The following PTPRD variants were observed in gnomAD, a reference collection of about 807,000 sequenced individuals.
The protein encoded by PTPRD is protein tyrosine phosphatase receptor type D.
Under a neutral mutation model 214.5 loss-of-function variants are expected in PTPRD, and 34 were observed. The observed-to-expected ratio is 0.16, with a 90% CI of 0.12 to 0.21. The LOEUF (loss-of-function observed/expected upper bound fraction) is 0.21, where lower values mean the gene tolerates loss of function less well. Ranked by LOEUF, PTPRD falls within the 10% of genes least tolerant of loss-of-function variation. The pLI, the probability that PTPRD is intolerant of heterozygous loss-of-function variation, is 1.00. For missense variants in PTPRD, 2,545 were observed against 2,398.7 expected (o/e 1.06, Z -1.27); for synonymous variants, 1,128 against 845.7 (o/e 1.33, Z -5.79).
intron 5 of PTPRD, among the ~76,000 whole-genome samples, chr9:9,886,777 G>A (rs1254908141): frequency 1.3e-4 from 20 of 152,136 alleles, no homozygotes; most frequent in Admixed American, 1.3e-3. Flanking sequence ...AGTACACTAA[G>A]TTACCATACA....
At chr9:9,666,698 G>A (rs1182144389) in intron 7 of PTPRD, among the ~76,000 whole-genome samples, 1 of 151,880 alleles carries the variant, frequency 6.6e-6, no homozygotes, top group Non-Finnish European at 1.5e-5. Flanking sequence ...CTGTCTTGTG[G>A]CAGTAGTTCC....
intron 11 of PTPRD, among the ~76,000 whole-genome samples, chr9:8,737,703 T>G (rs999862457): frequency 6.6e-6 from 1 of 152,134 alleles, no homozygotes; most frequent in Admixed American, 6.5e-5. Flanking sequence ...CAGGCTGGAG[T>G]GCAGTGGCAC....
rs1436270296 is a variant in PTPRD, at chr9:10,585,564, T to C, written c.-600+26834A>G. Reference sequence around the variant, plus strand: ...GGAAATCTCACATCATGCCATGTTATCTAAATCAGCAATAAATATACTGAA... The same window carrying C: ...GGAAATCTCACATCATGCCATGTTACCTAAATCAGCAATAAATATACTGAA... On this transcript the variant is annotated intron_variant, in intron 2 of 45. Transcript: ENST00000381196. Among the ~76,000 whole-genome samples the C allele has an allele frequency of 5.3e-5, 8 of 152,234 alleles. No individual in the cohort carries two copies. In the East Asian group the frequency reaches 1.5e-3, roughly 29 times the overall value.
chr9:10,286,659 A>T (rs2095365449), intron 3 of PTPRD, among the ~76,000 whole-genome samples: 1 of 152,024 alleles, frequency 6.6e-6, no homozygotes. Flanking sequence ...GTGCAGTGGC[A>T]GGATCTTGGC....
chr9:9,110,963 T>C (rs2154449215), intron 10 of PTPRD, among the ~76,000 whole-genome samples: 1 of 152,240 alleles, frequency 6.6e-6, no homozygotes, highest in South Asian at 2.1e-4. Context: ...AATTAATCTT[T>C]ACTATCTGGT....
intron 9 of PTPRD, among the ~76,000 whole-genome samples, chr9:9,340,760 T>C (rs1468107723): frequency 1.3e-5 from 2 of 152,218 alleles, no homozygotes; most frequent in African/African-American, 4.8e-5. Context: ...CACAAGTCAA[T>C]GGTAGCTATG....
chr9:8,320,063 C>G lies in PTPRD; in HGVS notation c.5535-97G>C, dbSNP rs1825819756. On this transcript the variant is annotated intron_variant, in intron 44 of 45. Transcript: ENST00000381196. ...ACATACTTCTACCAGCTTCCACACTCCGTATCTCTTTATAGCCATATTCAG... is the reference window on the plus strand; with the variant it reads ...ACATACTTCTACCAGCTTCCACACTGCGTATCTCTTTATAGCCATATTCAG... The G allele has an allele frequency of 2.8e-6, 4 of 1,439,708 alleles. No homozygotes were observed. The African/African-American group carries it at 4.3e-5, about 15-fold the overall frequency. The allele number at this position is 1,439,708 out of a possible 1,614,324, so 89.2% of individuals were successfully genotyped here.
At chr9:9,324,492 T>G (rs1422148075) in intron 9 of PTPRD, among the ~76,000 whole-genome samples, 3 of 152,210 alleles carry the variant, frequency 2.0e-5, no homozygotes, top group Non-Finnish European at 4.4e-5. Flanking sequence ...TGTCTTCTTT[T>G]GAGAAGTGTC....
At chr9:10,517,724 G>A (rs931690928) in intron 2 of PTPRD, among the ~76,000 whole-genome samples, 1 of 151,972 alleles carries the variant, frequency 6.6e-6, no homozygotes, top group Non-Finnish European at 1.5e-5. Context: ...AGAGTACAAT[G>A]TACAAAGACA....
intron 3 of PTPRD, among the ~76,000 whole-genome samples, chr9:10,108,864 A>G (rs1319084317): frequency 1.2e-5 from 1 of 86,264 alleles, no homozygotes; most frequent in African/African-American, 3.6e-5. Flanking sequence ...CAGGCACGTA[A>G]AGAGGGTTTT....
chr9:9,670,075 C>T (rs1182826707), intron 7 of PTPRD, among the ~76,000 whole-genome samples: 1 of 152,014 alleles, frequency 6.6e-6, no homozygotes, highest in African/African-American at 2.4e-5. Context: ...TAATATTTGG[C>T]AGATAATTAG....
chr9:9,010,962 T>C (rs2099509422), intron 11 of PTPRD, among the ~76,000 whole-genome samples: 1 of 152,164 alleles, frequency 6.6e-6, no homozygotes, highest in Non-Finnish European at 1.5e-5. Flanking sequence ...TAAATTTTAA[T>C]GATTAATATT....
chr9:10,552,855 A>AAAAAGG (rs1402290782), intron 2 of PTPRD, among the ~76,000 whole-genome samples: 3 of 152,302 alleles, frequency 2.0e-5, no homozygotes, highest in Non-Finnish European at 4.4e-5. Context: ...TCTGTATGGA[A>AAAAAGG]AAAAGGAAAC....
chr9:9,486,184 A>AAAAAC (rs1449101646), intron 8 of PTPRD, among the ~76,000 whole-genome samples: 1 of 135,438 alleles, frequency 7.4e-6, no homozygotes, highest in Non-Finnish European at 1.6e-5. Flanking sequence ...AAAAAAAAAA[A>AAAAAC]AGCCTTCCCT....
chr9:10,443,410 A>G (rs1314469220), intron 2 of PTPRD, among the ~76,000 whole-genome samples: 3 of 151,620 alleles, frequency 2.0e-5, no homozygotes, highest in Non-Finnish European at 4.4e-5. Context: ...CTGTTCACCA[A>G]CTGTCCCTTG....
At chr9:10,558,681 T>C (rs1195369283) in intron 2 of PTPRD, among the ~76,000 whole-genome samples, 2 of 152,216 alleles carry the variant, frequency 1.3e-5, no homozygotes, top group African/African-American at 4.8e-5. Context: ...GGGGAGTTTC[T>C]TTTTTATTTT....
intron 9 of PTPRD, among the ~76,000 whole-genome samples, chr9:9,248,211 G>C (rs1335517162): frequency 1.3e-5 from 2 of 151,884 alleles, no homozygotes; most frequent in African/African-American, 4.8e-5. Context: ...TCCTGCCTAA[G>C]CCTCCCGAGC....
chr9:10,286,419 G>C (rs2095355552), intron 3 of PTPRD, among the ~76,000 whole-genome samples: 1 of 152,018 alleles, frequency 6.6e-6, no homozygotes, highest in Admixed American at 6.6e-5. Flanking sequence ...TCCAGCCTGT[G>C]TGACAGAGTG....
chr9:8,928,760 G>C (rs1588195146), intron 11 of PTPRD, among the ~76,000 whole-genome samples: 1 of 152,036 alleles, frequency 6.6e-6, no homozygotes, highest in Non-Finnish European at 1.5e-5. Context: ...GGAAAGCACT[G>C]AATCTATAAA....
Sources: gnomAD v4.1 joint callset for allele counts (sites outside exome capture counted in the v4.1 genomes callset) on GRCh38, gnomAD v4.1.1 for gene constraint, MANE v1.5 for transcripts, NCBI Gene and HGNC (gene_info 2026-07-23, HGNC 2026-07-21) for gene names.